Variants in RSU1 observed in about 807,000 individuals in gnomAD.
RSU1 encodes rsu-1.
RSU1 carries 26 observed loss-of-function variants against 31.1 expected under a neutral mutation model. The observed-to-expected ratio is 0.84, with a 90% CI of 0.61 to 1.16. RSU1 has a LOEUF of 1.16. RSU1 is among the 50% of genes most tolerant of loss of function. The pLI is 0.00. For missense variants in RSU1, 320 were observed against 339.1 expected (o/e 0.94, Z 0.44); for synonymous variants, 164 against 136.3 (o/e 1.20, Z -1.41).
chr10:16,798,733 G>A (rs1838090415), intron 2 of RSU1, among the ~76,000 whole-genome samples: 1 of 151,962 alleles, frequency 6.6e-6, no homozygotes, highest in Non-Finnish European at 1.5e-5. Context: ...ACATACCTGG[G>A]AAATAATCAG....
intron 7 of RSU1, among the ~76,000 whole-genome samples, chr10:16,716,113 T>C (rs1836134560): frequency 6.6e-6 from 1 of 152,188 alleles, no homozygotes; most frequent in Non-Finnish European, 1.5e-5. Context: ...GAATTCTTGA[T>C]GAAAATCATC....
At chr10:16,705,036 TTTCCC>T (rs1327605428) in intron 7 of RSU1, among the ~76,000 whole-genome samples, 1 of 152,196 alleles carries the variant, frequency 6.6e-6, no homozygotes, top group East Asian at 1.9e-4. Context: ...CCATTTCTCC[TTTCCC>T]TTATCTCTTG....
intron 8 of RSU1, among the ~76,000 whole-genome samples, chr10:16,613,426 G>C (rs1833926397): frequency 6.6e-6 from 1 of 152,144 alleles, no homozygotes; most frequent in African/African-American, 2.4e-5. Context: ...TCGGCACCTT[G>C]TTCAGAAACA....
intron 8 of RSU1, among the ~76,000 whole-genome samples, chr10:16,691,218 C>CT (rs1490098317): frequency 1.3e-5 from 2 of 152,076 alleles, no homozygotes; most frequent in African/African-American, 4.8e-5. Flanking sequence ...TAAAAATCCC[C>CT]TAATTATGAA....
intron 2 of RSU1, among the ~76,000 whole-genome samples, chr10:16,788,496 A>C (rs1588536374): frequency 1.3e-5 from 2 of 152,340 alleles, no homozygotes; most frequent in African/African-American, 4.8e-5. Context: ...GGATACAAGA[A>C]GGTGGCCTTC....
intron 8 of RSU1, among the ~76,000 whole-genome samples, chr10:16,654,630 C>T (rs1233791399): frequency 6.7e-6 from 1 of 148,964 alleles, no homozygotes. Context: ...GACTGCACCA[C>T]TGTATTCCAG....
At chr10:16,681,502 C>G (rs1835327299) in intron 8 of RSU1, among the ~76,000 whole-genome samples, 1 of 151,794 alleles carries the variant, frequency 6.6e-6, no homozygotes, top group Admixed American at 6.6e-5. Flanking sequence ...CTTCTATTGC[C>G]TTAAAAAAAT....
intron 8 of RSU1, among the ~76,000 whole-genome samples, chr10:16,692,397 C>G (rs1401518697): frequency 6.6e-6 from 1 of 152,132 alleles, no homozygotes; most frequent in Non-Finnish European, 1.5e-5. Flanking sequence ...TATTCTCATC[C>G]TCTATAAATT....
chr10:16,702,532 G>C (rs114423002), intron 7 of RSU1, among the ~76,000 whole-genome samples: 2,124 of 152,306 alleles, frequency 0.014, 42 homozygotes, highest in African/African-American at 0.048. Flanking sequence ...ACGGAGTCAA[G>C]GGAGATAATT....
intron 2 of RSU1, among the ~76,000 whole-genome samples, chr10:16,811,388 C>G (rs530645851): frequency 6.6e-6 from 1 of 152,130 alleles, no homozygotes; most frequent in Non-Finnish European, 1.5e-5. Context: ...CATCAGGTAC[C>G]GGGTGGTACA....
At chr10:16,697,509 C>T (rs561664666) in intron 7 of RSU1, among the ~76,000 whole-genome samples, 2 of 151,994 alleles carry the variant, frequency 1.3e-5, no homozygotes, top group African/African-American at 4.8e-5. Flanking sequence ...GCTAAAAATA[C>T]AAAAATTAGC....
intron 8 of RSU1, among the ~76,000 whole-genome samples, chr10:16,691,841 C>A (rs998141720): frequency 4.0e-5 from 6 of 149,144 alleles, no homozygotes; most frequent in South Asian, 2.1e-4. Context: ...CAGGTTCAAG[C>A]GATTCTCCTG....
At chr10:16,735,986 C>G (rs1280137139) in intron 7 of RSU1, among the ~76,000 whole-genome samples, 4 of 152,118 alleles carry the variant, frequency 2.6e-5, no homozygotes, top group Admixed American at 1.3e-4. Context: ...CTGGTTTTCT[C>G]TGAGAAGCAT....
chr10:16,756,519 C>G lies in RSU1; in HGVS notation c.282-1530G>C, dbSNP rs1837089408. On this transcript the variant is annotated intron_variant, in intron 4 of 8. Coordinates refer to ENST00000345264, the MANE Select transcript of RSU1 (RefSeq NM_012425.4). ...GAGGACGAAGACCTTTAAGATGATC[C>G]ACTTCCACTTAAAGCACAGTAAATG... is the stretch of plus-strand genomic sequence containing the variant. Among the ~76,000 whole-genome samples the G allele has an allele frequency of 3.3e-5, 5 of 152,176 alleles. No homozygotes were observed. The South Asian group carries it at 8.3e-4, about 25-fold the overall frequency.
At chr10:16,732,863 T>C (rs1836542764) in intron 7 of RSU1, among the ~76,000 whole-genome samples, 2 of 152,180 alleles carry the variant, frequency 1.3e-5, no homozygotes, top group Non-Finnish European at 2.9e-5. Context: ...AAACATTTCA[T>C]AGGTTCTTAA....
intron 8 of RSU1, among the ~76,000 whole-genome samples, chr10:16,659,880 C>G (rs1027952193): frequency 2.0e-5 from 3 of 152,184 alleles, no homozygotes; most frequent in Non-Finnish European, 2.9e-5. Flanking sequence ...GCTTGGTATA[C>G]AAAGTGTAAA....
chr10:16,671,091 G>T (rs1835097156), intron 8 of RSU1, among the ~76,000 whole-genome samples: 1 of 152,110 alleles, frequency 6.6e-6, no homozygotes, highest in African/African-American at 2.4e-5. Context: ...CTCCTGAAAT[G>T]ACTGAAATGA....
chr10:16,649,922 T>C (rs1230383848), intron 8 of RSU1, among the ~76,000 whole-genome samples: 1 of 152,236 alleles, frequency 6.6e-6, no homozygotes, highest in Non-Finnish European at 1.5e-5. Flanking sequence ...GACTTTTGTT[T>C]AAAACCAAAA....
rs769563196 is a variant in RSU1, at chr10:16,695,171, A to AGGG, written c.599-17_599-16insCCC. On this transcript the variant is annotated splice_polypyrimidine_tract_variant and intron_variant, in intron 7 of 8. Transcript: ENST00000345264. The stretch of plus-strand genomic sequence containing the variant: ...TCCAAGTTTCCTGGGGGGGGGGAAA[A>AGGG]AAAAAGTGAAGGTCACTTCATCCAA... The AGGG allele has an allele frequency of 2.0e-6, 3 of 1,519,264 alleles. No homozygotes were observed. The highest frequency in any genetic ancestry group is 1.8e-6 in the Non-Finnish European group (2 of 1,114,672). The allele number at this position is 1,519,264 out of a possible 1,614,324, so 94.1% of individuals were successfully genotyped here.
Sources: allele counts gnomAD v4.1 joint callset (sites outside exome capture counted in the v4.1 genomes callset), GRCh38; gene constraint gnomAD v4.1.1; transcripts MANE v1.5; gene names NCBI Gene and HGNC (gene_info 2026-07-23, HGNC 2026-07-21).